Variants in PXDC1 observed in about 807,000 individuals in gnomAD.
PXDC1 encodes PX domain containing 1.
A neutral mutation model predicts 24.4 loss-of-function variants in PXDC1; 13 were observed. The ratio of observed to expected loss-of-function variants is 0.53; its 90% confidence interval spans 0.35 to 0.85. PXDC1 has a LOEUF of 0.85. Ranked by LOEUF, PXDC1 falls within the 40% of genes least tolerant of loss-of-function variation. PXDC1 has a pLI of 0.01. For synonymous variants in PXDC1, 162 were observed against 124.9 expected (o/e 1.30, Z -1.98); for missense variants, 344 against 309.3 (o/e 1.11, Z -0.84).
At chr6:3,747,144 T>C (rs6902372) in intron 1 of PXDC1, among the ~76,000 whole-genome samples, 112,981 of 151,610 alleles carry the variant, frequency 0.75, 43,093 homozygotes, top group African/African-American at 0.87. Context: ...CTCCCCCATG[T>C]CAACTCCTCC....
chr6:3,739,034 T>C, intron 1 of PXDC1: 1 of 1,216,502 alleles, frequency 8.2e-7, no homozygotes, highest in Non-Finnish European at 1.0e-6. Flanking sequence ...AAACCGTGAT[T>C]ACTGCGATTA....
intron 4 of PXDC1, among the ~76,000 whole-genome samples, chr6:3,726,278 C>G (rs920327750): frequency 3.3e-5 from 5 of 152,236 alleles, no homozygotes; most frequent in African/African-American, 9.6e-5. Context: ...TGACTACACT[C>G]CAGCCTTGTA....
At position 3,725,651 on chromosome 6, in the gene PXDC1, G is replaced by A. The variant is rs1347481975; in HGVS notation, c.578+1900C>T. On this transcript the variant is annotated intron_variant, in intron 4 of 4. Transcript: ENST00000380283. The surrounding 1 kb of genome is among the most constrained non-coding windows in gnomAD (Gnocchi z 4.8). ...AGGGAGGACAGCCACGCAGGGAGGT[G>A]AAGCCTCCAGTTCCACAAAGGGTGT... Among the ~76,000 whole-genome samples the A allele has an allele frequency of 4.6e-5, 7 of 152,208 alleles. No homozygotes were observed. Among genetic ancestry groups the A allele is most frequent in the Non-Finnish European group, 2.9e-5 (2 of 68,028 alleles).
intron 3 of PXDC1, among the ~76,000 whole-genome samples, chr6:3,733,359 A>T (rs1200372787): frequency 1.3e-5 from 2 of 152,172 alleles, no homozygotes; most frequent in African/African-American, 4.8e-5. Flanking sequence ...ATTTTCTCAA[A>T]GGGATGTTGG....
intron 1 of PXDC1, among the ~76,000 whole-genome samples, chr6:3,743,805 C>A (rs1415366675): frequency 6.6e-6 from 1 of 152,224 alleles, no homozygotes; most frequent in Non-Finnish European, 1.5e-5. Flanking sequence ...CAGAAGGCCT[C>A]CCCCACACCT....
At chr6:3,748,741 AG>A (rs750001567) in intron 1 of PXDC1, among the ~76,000 whole-genome samples, 109 of 152,334 alleles carry the variant, frequency 7.2e-4, no homozygotes, top group Admixed American at 1.2e-3. Context: ...CACTGCCAGC[AG>A]AAGCTCAGAA....
chr6:3,736,082 G>A (rs2127599794), intron 3 of PXDC1, among the ~76,000 whole-genome samples: 1 of 152,174 alleles, frequency 6.6e-6, no homozygotes, highest in South Asian at 2.1e-4. Flanking sequence ...CTTGTGCTGT[G>A]GCCCATAATC....
rs1023815171 is a variant in PXDC1 at position 3,751,629 on chromosome 6, CCGGGGT to C, written c.-104_-99del. On this transcript the variant is annotated 5_prime_UTR_variant, in exon 1 of 5. Transcript: ENST00000380283. Reference sequence around the variant, plus strand: ...GGGGTCGTCCCGGGTCTGTCCGTGGCCGGGGTCGTCCGGGGTCGGCCCGTCACTCCA... The same window carrying C: ...GGGGTCGTCCCGGGTCTGTCCGTGGCCGTCCGGGGTCGGCCCGTCACTCCA... 2.4e-5 allele frequency: 32 copies of C among 1,343,444 alleles called. 1 individual carries two copies. Among genetic ancestry groups the C allele is most frequent in the Middle Eastern group, 5.1e-4 (2 of 3,900 alleles). The allele number at this position is 1,343,444 out of a possible 1,614,324, so 83.2% of individuals were successfully genotyped here.
intron 1 of PXDC1, among the ~76,000 whole-genome samples, chr6:3,746,179 G>C (rs1187703632): frequency 6.6e-6 from 1 of 152,162 alleles, no homozygotes; most frequent in African/African-American, 2.4e-5. Context: ...GAAGTGTCCA[G>C]TCTCCAGCTG....
chr6:3,748,988 G>A (rs1360428741), intron 1 of PXDC1, among the ~76,000 whole-genome samples: 1 of 152,182 alleles, frequency 6.6e-6, no homozygotes, highest in Non-Finnish European at 1.5e-5. Context: ...GGTGCAATCT[G>A]CTTTTACATT....
chr6:3,751,011 C>A, intron 1 of PXDC1: 1 of 441,040 alleles, frequency 2.3e-6, no homozygotes, highest in Admixed American at 4.6e-5. Context: ...GAGAGTCCGG[C>A]GCCCGCCCTG....
At position 3,737,185 on chromosome 6, in the gene PXDC1, C is replaced by A. The variant is rs780955568; in HGVS notation, c.360G>T (p.Ser120=). The change falls in exon 3 of 5, where the codon TCG becomes TCT. Residue 120 remains serine (S), a synonymous_variant. Transcript: ENST00000380283. The surrounding 1 kb of genome is among the most constrained non-coding windows in gnomAD (Gnocchi z 5.5). ...TTTCGAAGAAGGTGAGCACAACTTCCGATCTAGAATACTGGGGAGAAATGC... is the reference window on the plus strand; with the variant it reads ...TTTCGAAGAAGGTGAGCACAACTTCAGATCTAGAATACTGGGGAGAAATGC... ...IISMPCKYSR[S]EVVLTFFERS... The A allele has an allele frequency of 6.2e-7, 1 of 1,606,090 alleles. No individual in the cohort carries two copies. The highest frequency in any genetic ancestry group is 8.5e-7 in the Non-Finnish European group (1 of 1,172,706).
chr6:3,747,339 G>A (rs1760593476), intron 1 of PXDC1, among the ~76,000 whole-genome samples: 1 of 152,112 alleles, frequency 6.6e-6, no homozygotes, highest in Non-Finnish European at 1.5e-5. Context: ...CCAGCCCCCA[G>A]CACCTGCCTC....
intron 1 of PXDC1, chr6:3,738,882 C>G (rs753188451): frequency 8.4e-6 from 11 of 1,302,888 alleles, no homozygotes; most frequent in African/African-American, 4.6e-5. Flanking sequence ...AGGTTCTATC[C>G]GTCGGCTTTG....
chr6:3,751,050 T>C (rs1760701630), intron 1 of PXDC1: 1 of 474,916 alleles, frequency 2.1e-6, no homozygotes, highest in Admixed American at 4.4e-5. Flanking sequence ...CCGCCCCATT[T>C]GGCTCCTCCG....
At position 3,751,606 on chromosome 6, in the gene PXDC1, G is replaced by T. The variant is rs1760727723; in HGVS notation, c.-75C>A. The T allele has an allele frequency of 7.1e-7, 1 of 1,398,936 alleles. No individual in the cohort carries two copies. Among genetic ancestry groups the T allele is most frequent in the African/African-American group, 1.5e-5 (1 of 65,464 alleles). The allele number at this position is 1,398,936 out of a possible 1,614,324, so 86.7% of individuals were successfully genotyped here. A position where few individuals can be genotyped will look rare whatever the true frequency, so the allele number is the denominator to read the frequency against. The stretch of plus-strand genomic sequence containing the variant: ...CCCGCAGGAGGCGCGCCCCGGCCGG[G>T]GTCGTCCCGGGTCTGTCCGTGGCCG... On this transcript the variant is annotated 5_prime_UTR_variant, in exon 1 of 5. Coordinates refer to ENST00000380283, the MANE Select transcript of PXDC1 (RefSeq NM_183373.4).
rs568357062 is a variant in PXDC1, at chr6:3,737,565, C to T, written c.349-369G>A. On this transcript the variant is annotated intron_variant, in intron 2 of 4. Transcript: ENST00000380283. This position sits in a 1 kb window ranked among gnomAD's most constrained non-coding sequence, Gnocchi z 5.5. Reference sequence around the variant, plus strand: ...CCAGGAGCTAAGGAGGTCTGCCTGGCGCTCAAGTCCAGGTTCTTAACCACC... The same window carrying T: ...CCAGGAGCTAAGGAGGTCTGCCTGGTGCTCAAGTCCAGGTTCTTAACCACC... The T allele has an allele frequency of 1.7e-4, 112 of 667,064 alleles. No homozygotes were observed. Among genetic ancestry groups the T allele is most frequent in the South Asian group, 4.0e-4 (6 of 15,080 alleles). 41.3% of individuals were successfully genotyped at this position (667,064 alleles called of 1,614,324 possible). A position where few individuals can be genotyped will look rare whatever the true frequency, so the allele number is the denominator to read the frequency against.
intron 1 of PXDC1, 43 bp downstream of exon 1, chr6:3,751,233 G>C: frequency 2.2e-6 from 3 of 1,383,848 alleles, no homozygotes; most frequent in South Asian, 3.0e-5. Context: ...GCACTTCAAG[G>C]CTGCCTCGGC....
At chr6:3,736,950 C>A in intron 3 of PXDC1, 129 bp downstream of exon 3, 3 of 712,310 alleles carry the variant, frequency 4.2e-6, no homozygotes, top group Non-Finnish European at 7.7e-6. Context: ...CCTGTACATT[C>A]GCATTTCTCT....
Sources: allele counts gnomAD v4.1 joint callset (sites outside exome capture counted in the v4.1 genomes callset), GRCh38; gene constraint gnomAD v4.1.1; non-coding constraint Gnocchi (gnomAD v3.1); transcripts MANE v1.5; gene names NCBI Gene and HGNC (gene_info 2026-07-23, HGNC 2026-07-21).